The following ATXN1 variants were observed in gnomAD, a reference collection of about 807,000 sequenced individuals.
The protein encoded by ATXN1 is ataxin-1.
Under a neutral mutation model 56.4 loss-of-function variants are expected in ATXN1, and 8 were observed. The ratio of observed to expected loss-of-function variants is 0.14; its 90% CI spans 0.08 to 0.26. The LOEUF is 0.26. Ranked by LOEUF, ATXN1 falls within the 10% of genes least tolerant of loss-of-function variation. ATXN1 has a pLI of 1.00. For synonymous variants in ATXN1, 514 were observed against 494.6 expected, an observed-to-expected ratio of 1.04 and a Z score of -0.52; for missense variants, 987 against 1,106.5, an observed-to-expected ratio of 0.89 and a Z score of 1.53.
At chr6:16,316,859 G>A (rs1760521419) in intron 7 of ATXN1, among the ~76,000 whole-genome samples, 1 of 105,782 alleles carries the variant, frequency 9.5e-6, no homozygotes, top group African/African-American at 5.5e-5. Context: ...TAGAGAGACT[G>A]CCTGTCTTTT....
chr6:16,505,082 A>C (rs2113678117), intron 5 of ATXN1, among the ~76,000 whole-genome samples: 1 of 149,246 alleles, frequency 6.7e-6, no homozygotes, highest in East Asian at 2.0e-4. Flanking sequence ...AGCTAATTAC[A>C]CACACCCTCC....
chr6:16,446,545 G>A (rs1759639827), intron 6 of ATXN1, among the ~76,000 whole-genome samples: 1 of 152,148 alleles, frequency 6.6e-6, no homozygotes, highest in Admixed American at 6.5e-5. Flanking sequence ...GTGAAGCCCA[G>A]AAAACTGTAT....
chr6:16,618,753 G>GA (rs61228681), intron 3 of ATXN1, among the ~76,000 whole-genome samples: 10,675 of 142,142 alleles, frequency 0.075, 609 homozygotes, highest in African/African-American at 0.17. Flanking sequence ...TCAACTGTGG[G>GA]AAAAAAAAAA....
At chr6:16,622,634 A>G (rs2113802304) in intron 3 of ATXN1, among the ~76,000 whole-genome samples, 1 of 152,336 alleles carries the variant, frequency 6.6e-6, no homozygotes, top group Middle Eastern at 3.4e-3. Flanking sequence ...TAAATTTTTA[A>G]AAGTAAGAGT....
intron 6 of ATXN1, among the ~76,000 whole-genome samples, chr6:16,380,167 G>C (rs891495529): frequency 6.6e-6 from 1 of 152,130 alleles, no homozygotes; most frequent in Non-Finnish European, 1.5e-5. Context: ...CAGAAACAAG[G>C]CATCAGATTC....
chr6:16,635,456 G>A lies in ATXN1; in HGVS notation c.-489+22320C>T, dbSNP rs144565843. 5.8e-3 allele frequency among the ~76,000 whole-genome samples: 889 copies of A among 152,264 alleles called. 7 individuals carry two copies. The highest frequency in any genetic ancestry group is 0.02 in the African/African-American group (837 of 41,552). On this transcript the variant is annotated intron_variant, in intron 3 of 7. Coordinates refer to ENST00000436367, the MANE Select transcript of ATXN1 (RefSeq NM_001128164.2). ...GAAACCAGTCCCTGGTGCCAAAAAG[G>A]TTAGGGACCACTGGTCTAGAGAGAA...
intron 2 of ATXN1, among the ~76,000 whole-genome samples, chr6:16,687,749 G>T (rs1192607568): frequency 6.6e-6 from 1 of 151,192 alleles, no homozygotes; most frequent in African/African-American, 2.4e-5. Flanking sequence ...AATTTAGTCT[G>T]TATATTTATA....
chr6:16,635,305 A>G (rs1306497932), intron 3 of ATXN1, among the ~76,000 whole-genome samples: 1 of 152,254 alleles, frequency 6.6e-6, no homozygotes, highest in Non-Finnish European at 1.5e-5. Context: ...GGTGAGTTGC[A>G]TAATTATTTC....
At chr6:16,638,038 T>C (rs978238057) in intron 3 of ATXN1, among the ~76,000 whole-genome samples, 1 of 152,194 alleles carries the variant, frequency 6.6e-6, no homozygotes, top group African/African-American at 2.4e-5. Context: ...TGCATACATA[T>C]GCACAGTTTA....
Position 16,641,518 on chromosome 6 carries a change from A to C in ATXN1, c.-489+16258T>G, listed in dbSNP as rs113427133. 3.4e-3 allele frequency among the ~76,000 whole-genome samples: 517 copies of C among 152,396 alleles called. 2 individuals carry two copies. Among genetic ancestry groups the C allele is most frequent in the African/African-American group, 0.011 (478 of 41,602 alleles). On this transcript the variant is annotated intron_variant, in intron 3 of 7. Coordinates refer to ENST00000436367, the MANE Select transcript of ATXN1 (RefSeq NM_001128164.2). ...AGCCTGGATGAAAGCACATTGGGTT[A>C]CTAAATACTTTAAGCCCACTGTTGA...
At chr6:16,417,524 C>T (rs557698053) in intron 6 of ATXN1, among the ~76,000 whole-genome samples, 2 of 151,506 alleles carry the variant, frequency 1.3e-5, no homozygotes, top group South Asian at 2.1e-4. Context: ...CTGCAAGCTC[C>T]GCCTCCCAGG....
intron 6 of ATXN1, among the ~76,000 whole-genome samples, chr6:16,342,341 T>TA (rs1761268939): frequency 9.9e-5 from 15 of 151,894 alleles, no homozygotes; most frequent in African/African-American, 3.4e-4. Context: ...ATTCTTTTTT[T>TA]TAAAAAAAAA....
chr6:16,496,650 C>T lies in ATXN1; in HGVS notation c.-298-10541G>A, dbSNP rs139186513. Among the ~76,000 whole-genome samples the T allele has an allele frequency of 3.2e-3, 494 of 152,280 alleles. 3 individuals are homozygous for T. Among genetic ancestry groups the T allele is most frequent in the African/African-American group, 0.011 (463 of 41,560 alleles). On this transcript the variant is annotated intron_variant, in intron 5 of 7. Transcript: ENST00000436367. ...ATGAGTAAAGGACGCTGGCAAGATG[C>T]AGCCGTGGTTTGTCTTAAGAGTCCT...
At chr6:16,713,226 C>T (rs1007932500) in intron 2 of ATXN1, among the ~76,000 whole-genome samples, 4 of 152,146 alleles carry the variant, frequency 2.6e-5, no homozygotes, top group Non-Finnish European at 4.4e-5. Context: ...CTAGAGGGAC[C>T]GCTCCATGAA....
At chr6:16,394,307 C>T (rs1036016603) in intron 6 of ATXN1, among the ~76,000 whole-genome samples, 4 of 152,092 alleles carry the variant, frequency 2.6e-5, no homozygotes, top group Non-Finnish European at 5.9e-5. Flanking sequence ...CTCCACCGGC[C>T]ATTTTTTCCC....
At chr6:16,705,362 G>C (rs1019066707) in intron 2 of ATXN1, among the ~76,000 whole-genome samples, 1 of 152,182 alleles carries the variant, frequency 6.6e-6, no homozygotes, top group African/African-American at 2.4e-5. Context: ...ATAAAATCAA[G>C]TAACGTAAAC....
At chr6:16,352,997 G>A (rs1452224221) in intron 6 of ATXN1, among the ~76,000 whole-genome samples, 1 of 152,124 alleles carries the variant, frequency 6.6e-6, no homozygotes, top group Non-Finnish European at 1.5e-5. Flanking sequence ...GTGACTCACC[G>A]GCGGGGAGCG....
At chr6:16,323,036 A>C (rs1335501866) in intron 7 of ATXN1, among the ~76,000 whole-genome samples, 1 of 152,242 alleles carries the variant, frequency 6.6e-6, no homozygotes, top group Non-Finnish European at 1.5e-5. Flanking sequence ...ACAGGCCCTG[A>C]CAACACTTCT....
chr6:16,343,343 C>CAAAT (rs151139733), intron 6 of ATXN1, among the ~76,000 whole-genome samples: 7 of 151,972 alleles, frequency 4.6e-5, no homozygotes, highest in African/African-American at 9.7e-5. Context: ...GACTCTGTCT[C>CAAAT]AAATAAATAA....
Sources: gnomAD v4.1 joint callset for allele counts (sites outside exome capture counted in the v4.1 genomes callset) on GRCh38, gnomAD v4.1.1 for gene constraint, MANE v1.5 for transcripts, NCBI Gene and HGNC (gene_info 2026-07-23, HGNC 2026-07-21) for gene names.